The following SHISA9 variants were observed in gnomAD, a reference collection of about 807,000 sequenced individuals.
SHISA9 encodes the protein protein shisa-9.
Under a neutral mutation model 38.0 loss-of-function variants are expected in SHISA9, and 13 were observed. The observed-to-expected ratio is 0.34, with a 90% confidence interval of 0.22 to 0.54. The LOEUF (loss-of-function observed/expected upper bound fraction) is 0.54, where lower values mean the gene tolerates loss of function less well. SHISA9 is among the 20% of genes least tolerant of loss of function. The probability of loss-of-function intolerance (pLI) is 0.91; values close to 1 mark genes in which losing one functional copy is unlikely to be tolerated. For synonymous variants in SHISA9, 275 were observed against 242.0 expected, an observed-to-expected ratio of 1.14 and a Z score of -1.27; for missense variants, 538 against 575.8, an observed-to-expected ratio of 0.93 and a Z score of 0.67.
intron 2 of SHISA9, among the ~76,000 whole-genome samples, chr16:13,175,633 A>C (rs2050725423): frequency 6.6e-6 from 1 of 152,122 alleles, no homozygotes; most frequent in African/African-American, 2.4e-5. Flanking sequence ...TTATTTTTCA[A>C]CTGGTCTTAA....
At chr16:13,248,129 T>C in the SHISA9 span, among the ~76,000 whole-genome samples, 1 of 152,216 alleles carries the variant, frequency 6.6e-6, no homozygotes, top group African/African-American at 2.4e-5. Context: ...AAAGCCTTTC[T>C]CTTGGGTCTT....
the SHISA9 span, among the ~76,000 whole-genome samples, chr16:13,328,148 C>G: frequency 6.6e-6 from 1 of 152,152 alleles, no homozygotes; most frequent in Non-Finnish European, 1.5e-5. Flanking sequence ...AACTCGGCCT[C>G]GAGCAGGGGC....
At chr16:13,549,382 T>C in the SHISA9 span, among the ~76,000 whole-genome samples, 2 of 152,146 alleles carry the variant, frequency 1.3e-5, no homozygotes, top group African/African-American at 4.8e-5. Context: ...GATTTATTCA[T>C]TGCACAATGA....
chr16:13,299,297 C>T, the SHISA9 span, among the ~76,000 whole-genome samples: 2 of 152,132 alleles, frequency 1.3e-5, no homozygotes, highest in African/African-American at 2.4e-5. Flanking sequence ...GGAATTAGAC[C>T]CTCCTTCACT....
chr16:12,949,728 C>A (rs76538422), intron 2 of SHISA9, among the ~76,000 whole-genome samples: 3,951 of 152,076 alleles, frequency 0.026, 70 homozygotes, highest in African/African-American at 0.043. Flanking sequence ...TTTATATTAT[C>A]TTTTTAATTG....
chr16:13,011,433 C>T (rs868197022), intron 2 of SHISA9, among the ~76,000 whole-genome samples: 2 of 150,282 alleles, frequency 1.3e-5, no homozygotes, highest in South Asian at 2.1e-4. Flanking sequence ...TAGACTTGCT[C>T]ATCCTACATA....
chr16:13,454,562 G>A, the SHISA9 span, among the ~76,000 whole-genome samples: 1 of 152,176 alleles, frequency 6.6e-6, no homozygotes, highest in African/African-American at 2.4e-5. Context: ...AGATGAGGGA[G>A]GAAGACTCAG....
the SHISA9 span, among the ~76,000 whole-genome samples, chr16:13,466,701 CAT>C: frequency 6.6e-6 from 1 of 152,208 alleles, no homozygotes; most frequent in African/African-American, 2.4e-5. Flanking sequence ...GCATATATCA[CAT>C]ATGTTAAGCA....
At chr16:13,047,037 G>C (rs1198357233) in intron 2 of SHISA9, among the ~76,000 whole-genome samples, 2 of 152,068 alleles carry the variant, frequency 1.3e-5, no homozygotes, top group African/African-American at 4.8e-5. Flanking sequence ...TGGAGATGAT[G>C]GTTAGTATGT....
chr16:12,969,945 A>G (rs1028045117), intron 2 of SHISA9, among the ~76,000 whole-genome samples: 6 of 152,122 alleles, frequency 3.9e-5, no homozygotes, highest in Admixed American at 2.0e-4. Flanking sequence ...TCTAAAAGAT[A>G]TGCAGGGAAA....
At chr16:13,289,676 A>G in the SHISA9 span, among the ~76,000 whole-genome samples, 2 of 150,056 alleles carry the variant, frequency 1.3e-5, no homozygotes, top group Non-Finnish European at 3.0e-5. Flanking sequence ...GAGAGAGAGA[A>G]AGAGAGAGAG....
chr16:13,007,267 C>T (rs962134339), intron 2 of SHISA9, among the ~76,000 whole-genome samples: 11 of 152,260 alleles, frequency 7.2e-5, no homozygotes, highest in African/African-American at 2.6e-4. Context: ...TTATAAGGCT[C>T]AGGAGTTGGC....
rs190415141 is a variant in SHISA9, at chr16:13,046,594, A to G, written c.691+129779A>G. 3.9e-3 allele frequency among the ~76,000 whole-genome samples: 594 copies of G among 152,334 alleles called. 2 individuals are homozygous for G. The highest frequency in any genetic ancestry group is 0.017 in the Middle Eastern group (5 of 294). On this transcript the variant is annotated intron_variant, in intron 2 of 4. Coordinates refer to ENST00000558583, the MANE Select transcript of SHISA9 (RefSeq NM_001145204.3). Reference sequence around the variant, plus strand: ...GGCAGGGCAAGTTTCATAAAAAAGAATTTGATTGCTTTGCTCCTCCCTCTG... The same window carrying G: ...GGCAGGGCAAGTTTCATAAAAAAGAGTTTGATTGCTTTGCTCCTCCCTCTG...
intron 2 of SHISA9, among the ~76,000 whole-genome samples, chr16:13,080,720 A>G (rs146762179): frequency 1.7e-4 from 26 of 152,340 alleles, no homozygotes; most frequent in African/African-American, 5.3e-4. Context: ...TTTGCTGGCT[A>G]TTGACTGTCA....
the SHISA9 span, among the ~76,000 whole-genome samples, chr16:13,337,176 G>A: frequency 6.6e-6 from 1 of 152,128 alleles, no homozygotes; most frequent in South Asian, 2.1e-4. Context: ...TGGTTTCGCT[G>A]TGTCCCCACC....
intron 2 of SHISA9, among the ~76,000 whole-genome samples, chr16:13,031,092 A>T (rs2072985722): frequency 6.6e-6 from 1 of 152,134 alleles, no homozygotes; most frequent in Non-Finnish European, 1.5e-5. Context: ...GTAAGTAAAC[A>T]ATGGCCAAAC....
At chr16:13,309,920 T>C in the SHISA9 span, among the ~76,000 whole-genome samples, 2 of 152,132 alleles carry the variant, frequency 1.3e-5, no homozygotes, top group African/African-American at 4.8e-5. Flanking sequence ...AGAGTCTCAC[T>C]CTTGTTGCCC....
chr16:13,527,730 A>T, the SHISA9 span, among the ~76,000 whole-genome samples: 303 of 152,286 alleles, frequency 2.0e-3, 3 homozygotes, highest in East Asian at 0.043. Context: ...TCGGTGAGAA[A>T]CCTCAGTATC....
the SHISA9 span, among the ~76,000 whole-genome samples, chr16:13,245,474 GATAAA>G: frequency 6.6e-6 from 1 of 152,072 alleles, no homozygotes; most frequent in Non-Finnish European, 1.5e-5. Context: ...TGTTATGAGA[GATAAA>G]ATAATAGATA....
Sources: allele counts gnomAD v4.1 joint callset (sites outside exome capture counted in the v4.1 genomes callset), GRCh38; gene constraint gnomAD v4.1.1; transcripts MANE v1.5; gene names NCBI Gene and HGNC (gene_info 2026-07-23, HGNC 2026-07-21).